MAML2: variants seen among roughly 807,000 people sequenced by gnomAD.
MAML2 encodes the protein mastermind-like protein 2.
In MAML2, 22 loss-of-function variants were observed where a neutral mutation model predicts 96.1. That is an observed-to-expected ratio of 0.23 (90% CI 0.16 to 0.33). The LOEUF (loss-of-function observed/expected upper bound fraction) is 0.33, where lower values mean the gene tolerates loss of function less well. Ranked by LOEUF, MAML2 falls within the 10% of genes least tolerant of loss-of-function variation. MAML2 has a pLI of 1.00. For missense variants in MAML2, 1,367 were observed against 1,392.4 expected, an observed-to-expected ratio of 0.98 and a Z score of 0.29; for synonymous variants, 561 against 521.3, an observed-to-expected ratio of 1.08 and a Z score of -1.04.
At chr11:96,258,819 T>C (rs2135971856) in intron 1 of MAML2, among the ~76,000 whole-genome samples, 1 of 152,348 alleles carries the variant, frequency 6.6e-6, no homozygotes, top group East Asian at 1.9e-4. Context: ...ATGAGCAGCA[T>C]GATGTACTCA....
intron 2 of MAML2, among the ~76,000 whole-genome samples, chr11:96,046,941 T>C (rs953439016): frequency 1.3e-5 from 2 of 152,178 alleles, no homozygotes; most frequent in African/African-American, 4.8e-5. Context: ...TTTCCAACAA[T>C]AAGTTTGTTA....
At chr11:96,097,725 G>T (rs1395454755) in intron 1 of MAML2, among the ~76,000 whole-genome samples, 1 of 152,024 alleles carries the variant, frequency 6.6e-6, no homozygotes, top group East Asian at 1.9e-4. Context: ...AGGAATAAGG[G>T]GCTTCAAAGG....
chr11:96,235,478 T>C (rs897285017), intron 1 of MAML2, among the ~76,000 whole-genome samples: 2 of 152,206 alleles, frequency 1.3e-5, no homozygotes, highest in African/African-American at 4.8e-5. Context: ...TCTATTATTC[T>C]TTTGAACTGA....
intron 1 of MAML2, among the ~76,000 whole-genome samples, chr11:96,168,688 C>A (rs1282051531): frequency 2.6e-5 from 4 of 152,148 alleles, no homozygotes; most frequent in Non-Finnish European, 5.9e-5. Flanking sequence ...GACACACTGT[C>A]CCCTGCACAG....
At chr11:96,187,834 A>G (rs1395100724) in intron 1 of MAML2, among the ~76,000 whole-genome samples, 1 of 151,958 alleles carries the variant, frequency 6.6e-6, no homozygotes, top group Non-Finnish European at 1.5e-5. Context: ...GTGTTTAGGA[A>G]TGTCCACCTA....
Position 96,230,921 on chromosome 11 carries a change from T to A in MAML2, c.513+110462A>T, listed in dbSNP as rs188758472. ...CTTATTTAATGTCCTCATGGTCACA[T>A]GAGATGACTAAATGCTCAGGTCCTG... On this transcript the variant is annotated intron_variant, in intron 1 of 4. Coordinates refer to ENST00000524717, the MANE Select transcript of MAML2 (RefSeq NM_032427.4). Among the ~76,000 whole-genome samples, 6 of 152,366 alleles carry A rather than the reference T, an allele frequency of 3.9e-5. No homozygotes were observed. The East Asian group carries it at 9.6e-4, about 24-fold the overall frequency.
intron 2 of MAML2, among the ~76,000 whole-genome samples, chr11:96,073,858 T>C (rs1256345980): frequency 1.3e-5 from 2 of 151,900 alleles, no homozygotes; most frequent in Non-Finnish European, 2.9e-5. Flanking sequence ...TCTGTGTAGA[T>C]TGTGCAGGCT....
In MAML2 at chr11:95,977,002, A is replaced by G. The variant is rs957264721; in HGVS notation, c.*1946T>C. The G allele has an allele frequency of 2.0e-5, 4 of 202,702 alleles. No homozygotes were observed. The highest frequency in any genetic ancestry group is 3.8e-4 in the South Asian group (2 of 5,264). 12.6% of individuals were successfully genotyped at this position (202,702 alleles called of 1,614,324 possible). On this transcript the variant is annotated 3_prime_UTR_variant, in exon 5 of 5. Coordinates refer to ENST00000524717, the MANE Select transcript of MAML2 (RefSeq NM_032427.4). ...TAAAAAAGAATTTGGGAGCAGGACA[A>G]AAAACAAGGATTGAAACCTGGAATG... is the stretch of plus-strand genomic sequence containing the variant.
intron 1 of MAML2, among the ~76,000 whole-genome samples, chr11:96,217,156 A>G (rs148892950): frequency 1.3e-5 from 2 of 152,326 alleles, no homozygotes; most frequent in Non-Finnish European, 1.5e-5. Context: ...ATTAAAGTAT[A>G]ACAAGTATTT....
At chr11:96,139,218 C>G (rs1043230590) in intron 1 of MAML2, among the ~76,000 whole-genome samples, 1 of 152,144 alleles carries the variant, frequency 6.6e-6, no homozygotes, top group Non-Finnish European at 1.5e-5. Context: ...TGGCTCACAC[C>G]TGTAATCCCA....
chr11:96,102,248 C>A (rs572557516), intron 1 of MAML2, among the ~76,000 whole-genome samples: 4 of 152,308 alleles, frequency 2.6e-5, no homozygotes, highest in African/African-American at 7.2e-5. Flanking sequence ...TGCACTCCAG[C>A]CTGGGTGACA....
intron 1 of MAML2, among the ~76,000 whole-genome samples, chr11:96,161,518 G>T (rs1283181967): frequency 6.6e-6 from 1 of 152,088 alleles, no homozygotes; most frequent in Admixed American, 6.5e-5. Context: ...CTGGCAGGGA[G>T]GTCACTTGAG....
chr11:96,086,760 T>C (rs550740586), intron 2 of MAML2, among the ~76,000 whole-genome samples: 1 of 152,300 alleles, frequency 6.6e-6, no homozygotes, highest in South Asian at 2.1e-4. Flanking sequence ...GAGCTAAGAA[T>C]GGAGCAATAT....
chr11:95,998,129 T>TGTCTGTCAGTCA (rs1271563500), intron 2 of MAML2, among the ~76,000 whole-genome samples: 9 of 139,310 alleles, frequency 6.5e-5, no homozygotes, highest in African/African-American at 2.2e-4. Flanking sequence ...TCTATCTGTC[T>TGTCTGTCAGTCA]GTCTGTCTGT....
intron 2 of MAML2, among the ~76,000 whole-genome samples, chr11:96,021,107 C>A (rs879852853): frequency 3.9e-5 from 6 of 152,020 alleles, no homozygotes; most frequent in Non-Finnish European, 7.4e-5. Flanking sequence ...TCAAGTTGAT[C>A]TTTTCACCCT....
At chr11:96,032,677 A>G (rs368075470) in intron 2 of MAML2, among the ~76,000 whole-genome samples, 35 of 152,302 alleles carry the variant, frequency 2.3e-4, no homozygotes, top group African/African-American at 3.8e-4. Flanking sequence ...TAAACAAACT[A>G]TCATAGATTC....
chr11:96,121,428 G>A (rs55679348), intron 1 of MAML2, among the ~76,000 whole-genome samples: 2,004 of 152,260 alleles, frequency 0.013, 40 homozygotes, highest in African/African-American at 0.046. Flanking sequence ...AATTGGATTT[G>A]TCCAGTGGAT....
intron 2 of MAML2, among the ~76,000 whole-genome samples, chr11:96,065,259 T>C (rs1433560228): frequency 6.6e-6 from 1 of 152,182 alleles, no homozygotes; most frequent in Admixed American, 6.5e-5. Context: ...TATAAAAAAA[T>C]AGAGAGAAGT....
chr11:95,979,859 C>G lies in MAML2; in HGVS notation c.2560G>C (p.Gly854Arg), dbSNP rs374991058. 15 of 1,613,824 alleles carry G rather than the reference C, an allele frequency of 9.3e-6. No individual in the cohort carries two copies. In the South Asian group the frequency reaches 1.6e-4, roughly 18 times the overall value. The change falls in exon 5 of 5, where the codon GGG (glycine) becomes CGG (arginine). Residue 854 changes from glycine to arginine, a missense_variant. Gly to Arg is a moderately radical substitution (Grantham distance 125, BLOSUM62 -2). Coordinates refer to ENST00000524717, the MANE Select transcript of MAML2 (RefSeq NM_032427.4). Reference protein sequence around the residue: ...PNSSLLSTSHGTRMPSLSTAV... With the variant: ...PNSSLLSTSHRTRMPSLSTAV... ...GTAGATAATGATGGCATTCTTGTCC[C>G]GTGAGAAGTAGACAGGAGGCTGGAA...
Sources: allele counts gnomAD v4.1 joint callset (sites outside exome capture counted in the v4.1 genomes callset), GRCh38; gene constraint gnomAD v4.1.1; transcripts MANE v1.5; gene names NCBI Gene and HGNC (gene_info 2026-07-23, HGNC 2026-07-21).